The following CTIF variants were observed in gnomAD, a reference collection of about 807,000 sequenced individuals.
CTIF encodes the protein CBP80/20-dependent translation initiation factor.
In CTIF, 21 loss-of-function variants were observed where a neutral mutation model predicts 66.0. The observed-to-expected ratio is 0.32, with a 90% CI of 0.23 to 0.46. The LOEUF is 0.46. CTIF is among the 20% of genes least tolerant of loss of function. The pLI is 1.00. For missense variants in CTIF, 739 were observed against 812.7 expected, an observed-to-expected ratio of 0.91 and a Z score of 1.10; for synonymous variants, 345 against 326.4, an observed-to-expected ratio of 1.06 and a Z score of -0.62.
chr18:48,734,987 A>G (rs536371120), intron 7 of CTIF, among the ~76,000 whole-genome samples: 48 of 152,296 alleles, frequency 3.2e-4, no homozygotes, highest in Non-Finnish European at 6.0e-4. Context: ...ATATGCATTT[A>G]TATGCACACA....
chr18:48,543,161 A>G (rs185549877), intron 1 of CTIF, among the ~76,000 whole-genome samples: 1 of 152,232 alleles, frequency 6.6e-6, no homozygotes, highest in Non-Finnish European at 1.5e-5. Context: ...CCTTGTTTTA[A>G]GGTTATGTTG....
At chr18:48,612,449 G>A (rs781391625) in intron 1 of CTIF, among the ~76,000 whole-genome samples, 20 of 152,350 alleles carry the variant, frequency 1.3e-4, no homozygotes, top group Non-Finnish European at 2.8e-4. Context: ...CTGTGGGGAT[G>A]GGAAGGAGAG....
rs559614653 is a variant in CTIF at position 48,789,786 on chromosome 18, A to AT, written c.1372-27433dup. Among the ~76,000 whole-genome samples the AT allele has an allele frequency of 1.6e-4, 25 of 152,358 alleles. No homozygotes were observed. In the South Asian group the frequency reaches 5.2e-3, roughly 32 times the overall value. ...AAAAAGAACAAAATTAGAAGTATAA[A>AT]TTAAGGGCTTTGTTTTTTTGCTCTC... On this transcript the variant is annotated intron_variant, in intron 9 of 11. Transcript: ENST00000256413.
At chr18:48,842,788 C>T (rs906312737) in intron 10 of CTIF, among the ~76,000 whole-genome samples, 4 of 152,226 alleles carry the variant, frequency 2.6e-5, no homozygotes, top group South Asian at 2.1e-4. Context: ...CTTTAGAGAG[C>T]GGAAAATGCC....
intron 10 of CTIF, among the ~76,000 whole-genome samples, chr18:48,829,747 G>A (rs1452469513): frequency 3.3e-5 from 5 of 152,350 alleles, no homozygotes; most frequent in South Asian, 4.1e-4. Context: ...ACTAAGAGCC[G>A]AGGGTGAATA....
At chr18:48,669,159 C>T (rs1399735722) in intron 5 of CTIF, among the ~76,000 whole-genome samples, 1 of 152,020 alleles carries the variant, frequency 6.6e-6, no homozygotes, top group Non-Finnish European at 1.5e-5. Flanking sequence ...TTCTAAGGGC[C>T]ATCCACTGTC....
intron 7 of CTIF, among the ~76,000 whole-genome samples, chr18:48,740,083 G>A (rs575462367): frequency 1.4e-4 from 21 of 152,348 alleles, no homozygotes; most frequent in African/African-American, 5.0e-4. Context: ...GAGAAGTGAG[G>A]CAGAGAGCAG....
intron 1 of CTIF, among the ~76,000 whole-genome samples, chr18:48,568,807 T>C (rs755934060): frequency 2.6e-5 from 4 of 151,962 alleles, no homozygotes; most frequent in Non-Finnish European, 5.9e-5. Context: ...TATAAAACCA[T>C]CAGATCTCGT....
chr18:48,716,988 C>A (rs879364369), intron 7 of CTIF, among the ~76,000 whole-genome samples: 1 of 152,172 alleles, frequency 6.6e-6, no homozygotes, highest in African/African-American at 2.4e-5. Flanking sequence ...ACCTGGCGTG[C>A]GGAGTGGGCC....
chr18:48,609,904 G>T (rs574052886), intron 1 of CTIF, among the ~76,000 whole-genome samples: 1 of 152,188 alleles, frequency 6.6e-6, no homozygotes, highest in Non-Finnish European at 1.5e-5. Flanking sequence ...TTGAGGGTGT[G>T]GGGGGCTGGA....
At chr18:48,730,640 TGTGGTGTGAGGG>T (rs2092444076) in intron 7 of CTIF, among the ~76,000 whole-genome samples, 1 of 114,846 alleles carries the variant, frequency 8.7e-6, no homozygotes, top group Admixed American at 8.3e-5. Flanking sequence ...GAGGGGCCCC[TGTGGTGTGAGGG>T]GCTTCTGCGG....
At chr18:48,593,995 A>T (rs1174771272) in intron 1 of CTIF, among the ~76,000 whole-genome samples, 2 of 152,114 alleles carry the variant, frequency 1.3e-5, no homozygotes, top group African/African-American at 4.8e-5. Context: ...TATCAACCAG[A>T]TGACATGGAC....
chr18:48,553,932 A>G (rs936231637), intron 1 of CTIF, among the ~76,000 whole-genome samples: 2 of 151,934 alleles, frequency 1.3e-5, no homozygotes, highest in Non-Finnish European at 2.9e-5. Flanking sequence ...AAGTGCTGGG[A>G]TTACAGGCAT....
At chr18:48,643,169 T>C (rs1835742348) in intron 3 of CTIF, among the ~76,000 whole-genome samples, 2 of 152,196 alleles carry the variant, frequency 1.3e-5, no homozygotes, top group Non-Finnish European at 2.9e-5. Context: ...TGTGGGGGCC[T>C]AGGGTAACGC....
intron 7 of CTIF, among the ~76,000 whole-genome samples, chr18:48,723,661 G>A (rs1286803669): frequency 6.6e-6 from 1 of 152,140 alleles, no homozygotes; most frequent in Non-Finnish European, 1.5e-5. Flanking sequence ...CTCCCAAGAG[G>A]ACAAACCCAG....
At chr18:48,624,926 C>T (rs1287950244) in intron 2 of CTIF, among the ~76,000 whole-genome samples, 2 of 152,168 alleles carry the variant, frequency 1.3e-5, no homozygotes, top group African/African-American at 4.8e-5. Context: ...TATTTTGATG[C>T]TTTCCGGCAC....
At position 48,857,518 on chromosome 18, in the gene CTIF, G is replaced by A. The variant is rs147693232; in HGVS notation, c.1528-70G>A. ...CTGGGGCTGCAGGTCGGCGGGGGCT[G>A]CAGGGAGCTACAGGGCCCAGTAGCC... On this transcript the variant is annotated intron_variant, in intron 10 of 11. Coordinates refer to ENST00000256413, the MANE Select transcript of CTIF (RefSeq NM_014772.3). 1,319 of 1,432,064 alleles carry A rather than the reference G, an allele frequency of 9.2e-4. 7 individuals carry two copies. In the African/African-American group the frequency reaches 0.017, roughly 19 times the overall value. The allele number at this position is 1,432,064 out of a possible 1,614,324, so 88.7% of individuals were successfully genotyped here.
At chr18:48,571,677 C>A (rs1410470135) in intron 1 of CTIF, among the ~76,000 whole-genome samples, 2 of 152,078 alleles carry the variant, frequency 1.3e-5, no homozygotes, top group African/African-American at 4.8e-5. Context: ...TATAGTATGG[C>A]TATACCATGC....
rs370288261 is a variant in CTIF at position 48,857,719 on chromosome 18, G to C, written c.1581+78G>C. On this transcript the variant is annotated intron_variant, in intron 11 of 11. Transcript: ENST00000256413. ...GCCTTAACAGTTCTAGGGGCACGAG[G>C]GTTGTTGGAGGCATTTACAAGTCCA... 3.0e-6 allele frequency: 4 copies of C among 1,332,738 alleles called. No individual in the cohort carries two copies. In the African/African-American group the frequency reaches 4.5e-5, roughly 15 times the overall value. 82.6% of individuals were successfully genotyped at this position (1,332,738 alleles called of 1,614,324 possible).
Sources: gnomAD v4.1 joint callset for allele counts (sites outside exome capture counted in the v4.1 genomes callset) on GRCh38, gnomAD v4.1.1 for gene constraint, MANE v1.5 for transcripts, NCBI Gene and HGNC (gene_info 2026-07-23, HGNC 2026-07-21) for gene names.